The following EIPR1 variants were observed in gnomAD, a reference collection of about 807,000 sequenced individuals.
EIPR1 encodes EARP complex and GARP complex interacting protein 1.
In EIPR1, 25 loss-of-function variants were observed where a neutral mutation model predicts 48.1. The ratio of observed to expected loss-of-function variants is 0.52; its 90% confidence interval spans 0.38 to 0.73. EIPR1 has a LOEUF of 0.73. EIPR1 is among the 30% of genes least tolerant of loss of function. EIPR1 has a pLI of 0.00. For missense variants in EIPR1, 415 were observed against 506.2 expected, an observed-to-expected ratio of 0.82 and a Z score of 1.73; for synonymous variants, 204 against 201.9, an observed-to-expected ratio of 1.01 and a Z score of -0.09.
chr2:3,208,264 A>ATT, intron 5 of EIPR1: 1 of 461,274 alleles, frequency 2.2e-6, no homozygotes, highest in Non-Finnish European at 3.8e-6. Flanking sequence ...AGATACTCAA[A>ATT]TAAGAGCAAG....
intron 5 of EIPR1, among the ~76,000 whole-genome samples, chr2:3,207,140 CA>C (rs1328337412): frequency 6.6e-6 from 1 of 152,132 alleles, no homozygotes; most frequent in Non-Finnish European, 1.5e-5. Flanking sequence ...CATGTACCCA[CA>C]CACCCATCCA....
At chr2:3,360,119 C>T (rs956607850) in intron 1 of EIPR1, among the ~76,000 whole-genome samples, 19 of 152,106 alleles carry the variant, frequency 1.2e-4, no homozygotes, top group Non-Finnish European at 2.6e-4. Flanking sequence ...AAGGCCAAGG[C>T]GAGTCTAGGC....
chr2:3,320,819 G>C (rs1326100935), intron 3 of EIPR1, among the ~76,000 whole-genome samples: 1 of 152,156 alleles, frequency 6.6e-6, no homozygotes, highest in East Asian at 1.9e-4. Context: ...ACCTGTCTGG[G>C]CTTATGCCTC....
chr2:3,313,585 G>A (rs1456505137), intron 3 of EIPR1, among the ~76,000 whole-genome samples: 1 of 152,164 alleles, frequency 6.6e-6, no homozygotes, highest in African/African-American at 2.4e-5. Context: ...ATTGCTGAAG[G>A]CCTCAGGGGT....
intron 8 of EIPR1, among the ~76,000 whole-genome samples, chr2:3,190,872 T>A (rs1214340791): frequency 2.0e-5 from 3 of 152,182 alleles, no homozygotes; most frequent in African/African-American, 7.2e-5. Context: ...GAGGCTGAAG[T>A]GGGCAGATCA....
intron 3 of EIPR1, among the ~76,000 whole-genome samples, chr2:3,267,066 C>G (rs1336129799): frequency 6.6e-6 from 1 of 152,186 alleles, no homozygotes; most frequent in Non-Finnish European, 1.5e-5. Context: ...CTACTGGACC[C>G]AACACATCAC....
chr2:3,227,871 T>C (rs932054590), intron 4 of EIPR1, among the ~76,000 whole-genome samples: 3 of 152,248 alleles, frequency 2.0e-5, no homozygotes, highest in Non-Finnish European at 4.4e-5. Context: ...TTCCACATGG[T>C]ACCGAGCCCG....
intron 3 of EIPR1, among the ~76,000 whole-genome samples, chr2:3,297,969 T>C (rs1668652129): frequency 6.6e-6 from 1 of 152,218 alleles, no homozygotes; most frequent in Non-Finnish European, 1.5e-5. Context: ...CTTTGTTCAT[T>C]TGCTCATTCA....
intron 3 of EIPR1, chr2:3,274,566 T>C: frequency 8.5e-7 from 1 of 1,176,730 alleles, no homozygotes; most frequent in South Asian, 2.5e-5. Context: ...AAAGCCTCAC[T>C]AAGGGAACTT....
At chr2:3,247,979 C>T (rs543045484) in intron 4 of EIPR1, among the ~76,000 whole-genome samples, 8 of 152,112 alleles carry the variant, frequency 5.3e-5, no homozygotes, top group South Asian at 2.1e-4. Context: ...GCGACATAGT[C>T]GAGATGTTTG....
At chr2:3,224,851 C>T (rs945175666) in intron 4 of EIPR1, among the ~76,000 whole-genome samples, 3 of 152,206 alleles carry the variant, frequency 2.0e-5, no homozygotes, top group East Asian at 3.9e-4. Flanking sequence ...AGGAACTTGC[C>T]TACTCCAAGG....
At chr2:3,363,232 C>T (rs182441086) in intron 1 of EIPR1, among the ~76,000 whole-genome samples, 1 of 152,122 alleles carries the variant, frequency 6.6e-6, no homozygotes, top group Admixed American at 6.5e-5. Flanking sequence ...AGGTGCCAAA[C>T]AAAGGCACTA....
At chr2:3,256,183 G>A in intron 4 of EIPR1, among the ~76,000 whole-genome samples, 1 of 152,178 alleles carries the variant, frequency 6.6e-6, no homozygotes, top group Non-Finnish European at 1.5e-5. Flanking sequence ...GCCACAGACT[G>A]CCTGACCCTC....
chr2:3,329,421 G>A (rs967709998), intron 3 of EIPR1, among the ~76,000 whole-genome samples: 9 of 145,270 alleles, frequency 6.2e-5, no homozygotes, highest in Admixed American at 6.9e-5. Context: ...GTACTAGCCC[G>A]GACTCCCCTG....
At chr2:3,209,929 C>G (rs1297052749) in intron 5 of EIPR1, among the ~76,000 whole-genome samples, 2 of 152,188 alleles carry the variant, frequency 1.3e-5, no homozygotes, top group African/African-American at 2.4e-5. Context: ...TGAAACAATT[C>G]TGTGTGACAC....
Position 3,338,103 on chromosome 2 carries a change from TTTTTA to T in EIPR1, c.168_172del (p.Asn56LysfsTer9). 1 of 1,612,848 alleles carries T rather than the reference TTTTTA, an allele frequency of 6.2e-7. No individual in the cohort carries two copies. Among genetic ancestry groups the T allele is most frequent in the Non-Finnish European group, 8.5e-7 (1 of 1,179,796 alleles). ...TTCACCCGCTTGATGGAGGAGGACA[TTTTTA>T]TTTATAATGTTGTTTTCATCGTCAA... On this transcript the variant is annotated frameshift_variant, in exon 3 of 9. Transcript: ENST00000382125. LOFTEE classifies it high-confidence loss of function.
chr2:3,289,931 A>G (rs1297535939), intron 3 of EIPR1, among the ~76,000 whole-genome samples: 1 of 152,218 alleles, frequency 6.6e-6, no homozygotes, highest in Non-Finnish European at 1.5e-5. Flanking sequence ...CTCCAGGGTG[A>G]GTGCCGCAGT....
intron 3 of EIPR1, among the ~76,000 whole-genome samples, chr2:3,313,376 T>TG (rs1445903299): frequency 5.3e-5 from 8 of 149,560 alleles, no homozygotes; most frequent in Non-Finnish European, 1.0e-4. Flanking sequence ...AAAAAGTGGG[T>TG]GGGGGGGTTC....
intron 3 of EIPR1, among the ~76,000 whole-genome samples, chr2:3,337,615 C>T (rs1365636289): frequency 4.6e-5 from 7 of 152,108 alleles, no homozygotes; most frequent in African/African-American, 4.8e-5. Context: ...CACCAGTCAA[C>T]GCGCGTGTGT....
Sources: gnomAD v4.1 joint callset for allele counts (sites outside exome capture counted in the v4.1 genomes callset) on GRCh38, gnomAD v4.1.1 for gene constraint, MANE v1.5 for transcripts, NCBI Gene and HGNC (gene_info 2026-07-23, HGNC 2026-07-21) for gene names.